The following IFTAP variants were observed in gnomAD, a reference collection of about 807,000 sequenced individuals.
IFTAP encodes intraflagellar transport associated protein.
In IFTAP, 19 loss-of-function variants were observed where a neutral mutation model predicts 19.4. The observed-to-expected ratio is 0.98, with a 90% confidence interval of 0.68 to 1.44. The LOEUF (loss-of-function observed/expected upper bound fraction) is 1.44, where lower values mean the gene tolerates loss of function less well. Among genes scored for constraint, IFTAP ranks in the 40% most tolerant of loss-of-function variants. The probability of loss-of-function intolerance (pLI) is 0.00; values close to 1 mark genes in which losing one functional copy is unlikely to be tolerated. For synonymous variants in IFTAP, 85 were observed against 83.5 expected (o/e 1.02, Z -0.10); for missense variants, 240 against 253.6 (o/e 0.95, Z 0.36).
chr11:36,601,799 G>A (rs2133353459), intron 1 of IFTAP, among the ~76,000 whole-genome samples: 1 of 151,958 alleles, frequency 6.6e-6, no homozygotes, highest in South Asian at 2.1e-4. Flanking sequence ...GACCACAGGT[G>A]GACACCATCA....
At position 36,644,427 on chromosome 11, in the gene IFTAP, G is replaced by A. The variant is rs184296331; in HGVS notation, c.359-3589G>A. On this transcript the variant is annotated intron_variant, in intron 4 of 5. Transcript: ENST00000334307. ...GACTGTAAACTAGTTCAACTATTGC[G>A]GAAGACAGTGTGGCGATTCCTCAAG... Among the ~76,000 whole-genome samples the A allele has an allele frequency of 1.9e-3, 296 of 152,286 alleles. 1 individual carries two copies. Among genetic ancestry groups the A allele is most frequent in the African/African-American group, 6.8e-3 (284 of 41,556 alleles).
intron 2 of IFTAP, among the ~76,000 whole-genome samples, chr11:36,618,769 A>G (rs1225813822): frequency 1.3e-5 from 2 of 152,034 alleles, no homozygotes; most frequent in African/African-American, 2.4e-5. Flanking sequence ...GAATTTTAAA[A>G]CAAACAAACA....
intron 1 of IFTAP, among the ~76,000 whole-genome samples, chr11:36,596,803 G>A (rs1043662111): frequency 2.6e-5 from 4 of 152,132 alleles, no homozygotes; most frequent in African/African-American, 7.2e-5. Flanking sequence ...TTTTATTGTC[G>A]CCTCTTGGTT....
intron 2 of IFTAP, among the ~76,000 whole-genome samples, chr11:36,631,976 T>C (rs1364906703): frequency 3.3e-5 from 5 of 151,220 alleles, no homozygotes; most frequent in Admixed American, 2.6e-4. Context: ...TCTTCTATTC[T>C]CTAAAGACCT....
chr11:36,629,027 T>A (rs760220158), intron 2 of IFTAP, among the ~76,000 whole-genome samples: 5 of 151,352 alleles, frequency 3.3e-5, no homozygotes, highest in Non-Finnish European at 4.4e-5. Context: ...GAATTTAGCT[T>A]CTTTGGATTT....
At chr11:36,631,575 C>T (rs967192838) in intron 2 of IFTAP, among the ~76,000 whole-genome samples, 2 of 151,148 alleles carry the variant, frequency 1.3e-5, no homozygotes, top group Non-Finnish European at 2.9e-5. Context: ...TGATGCCATG[C>T]ACTGACAGGT....
intron 2 of IFTAP, among the ~76,000 whole-genome samples, chr11:36,623,826 G>A (rs16929204): frequency 0.11 from 17,268 of 152,060 alleles, 1,156 homozygotes; most frequent in African/African-American, 0.17. Flanking sequence ...TGTATATTTC[G>A]TACACGAAGG....
chr11:36,648,309 A>C (rs2133516282), intron 5 of IFTAP, 154 bp downstream of exon 5: 181 of 857,934 alleles, frequency 2.1e-4, no homozygotes, highest in Middle Eastern at 4.6e-4. Flanking sequence ...CATCTATCTC[A>C]AATGCATACA....
intron 2 of IFTAP, among the ~76,000 whole-genome samples, chr11:36,624,472 A>G (rs1303731125): frequency 6.6e-6 from 1 of 152,196 alleles, no homozygotes; most frequent in Non-Finnish European, 1.5e-5. Flanking sequence ...GGGAATCATT[A>G]CAACAACTCC....
chr11:36,645,718 C>A (rs1370041795), intron 4 of IFTAP, among the ~76,000 whole-genome samples: 1 of 152,060 alleles, frequency 6.6e-6, no homozygotes, highest in Admixed American at 6.6e-5. Context: ...AATCTGTCAT[C>A]TTTAGAGTTA....
chr11:36,620,280 C>G (rs16929170), intron 2 of IFTAP, among the ~76,000 whole-genome samples: 17,356 of 151,966 alleles, frequency 0.11, 1,167 homozygotes, highest in African/African-American at 0.17. Flanking sequence ...ATGAAGTGAA[C>G]TAATTTATAG....
At chr11:36,601,749 G>A (rs2133353332) in intron 1 of IFTAP, among the ~76,000 whole-genome samples, 1 of 152,128 alleles carries the variant, frequency 6.6e-6, no homozygotes, top group South Asian at 2.1e-4. Flanking sequence ...CACCTTCTGG[G>A]CCCAAGTGAT....
chr11:36,596,723 C>T (rs1590723137), intron 1 of IFTAP, among the ~76,000 whole-genome samples: 1 of 152,198 alleles, frequency 6.6e-6, no homozygotes, highest in Non-Finnish European at 1.5e-5. Flanking sequence ...AGATACAAGG[C>T]AAGCCATACA....
chr11:36,627,566 A>T (rs1193391444), intron 2 of IFTAP, among the ~76,000 whole-genome samples: 1 of 151,316 alleles, frequency 6.6e-6, no homozygotes, highest in African/African-American at 2.5e-5. Flanking sequence ...GGTGCAAAAA[A>T]GAAACAAACT....
chr11:36,652,236 G>A (rs898679620), intron 5 of IFTAP, among the ~76,000 whole-genome samples: 2 of 152,082 alleles, frequency 1.3e-5, no homozygotes, highest in African/African-American at 4.8e-5. Context: ...GTTGAGCAGT[G>A]GTTTGTAGTT....
At chr11:36,598,737 A>T (rs901228521) in intron 1 of IFTAP, among the ~76,000 whole-genome samples, 1 of 152,136 alleles carries the variant, frequency 6.6e-6, no homozygotes, top group African/African-American at 2.4e-5. Context: ...GGTCAAGCTC[A>T]CCTGGTTTTC....
At chr11:36,611,393 A>T (rs535686771) in intron 2 of IFTAP, among the ~76,000 whole-genome samples, 11 of 149,896 alleles carry the variant, frequency 7.3e-5, no homozygotes, top group African/African-American at 2.8e-4. Context: ...GTATTTTATT[A>T]AAAAAACCTC....
chr11:36,614,139 A>G (rs867540439), intron 2 of IFTAP, among the ~76,000 whole-genome samples: 1 of 148,800 alleles, frequency 6.7e-6, no homozygotes, highest in African/African-American at 2.5e-5. Flanking sequence ...TCATTGTTCA[A>G]TTCCCACCTA....
At chr11:36,601,721 T>G (rs1379558636) in intron 1 of IFTAP, among the ~76,000 whole-genome samples, 2 of 152,152 alleles carry the variant, frequency 1.3e-5, no homozygotes, top group African/African-American at 4.8e-5. Flanking sequence ...TGGCATAATC[T>G]TGGCTCAACT....
Sources: gnomAD v4.1 joint callset for allele counts (sites outside exome capture counted in the v4.1 genomes callset) on GRCh38, gnomAD v4.1.1 for gene constraint, MANE v1.5 for transcripts, NCBI Gene and HGNC (gene_info 2026-07-23, HGNC 2026-07-21) for gene names.